Variants in SPAG16 observed in about 807,000 individuals in gnomAD.
SPAG16 encodes the protein sperm-associated antigen 16 protein.
Under a neutral mutation model 80.4 loss-of-function variants are expected in SPAG16, and 86 were observed. That is an observed-to-expected ratio of 1.07 (90% CI 0.90 to 1.28). SPAG16 has a LOEUF of 1.28. SPAG16 is among the 50% of genes most tolerant of loss of function. The probability of loss-of-function intolerance (pLI) is 0.00; values close to 1 mark genes in which losing one functional copy is unlikely to be tolerated. For missense variants in SPAG16, 870 were observed against 765.3 expected, an observed-to-expected ratio of 1.14 and a Z score of -1.61; for synonymous variants, 294 against 265.9, an observed-to-expected ratio of 1.11 and a Z score of -1.03.
intron 15 of SPAG16, among the ~76,000 whole-genome samples, chr2:214,149,860 T>C (rs889556476): frequency 6.6e-6 from 1 of 152,086 alleles, no homozygotes; most frequent in Non-Finnish European, 1.5e-5. Context: ...TGAGGAATAG[T>C]GTAGCAGCTG....
At chr2:213,634,672 G>A (rs1029267271) in intron 10 of SPAG16, among the ~76,000 whole-genome samples, 5 of 152,098 alleles carry the variant, frequency 3.3e-5, no homozygotes, top group Non-Finnish European at 7.4e-5. Context: ...TTCTTTAGTG[G>A]TGATTTTTGA....
chr2:214,257,765 G>A (rs944714935), intron 15 of SPAG16, among the ~76,000 whole-genome samples: 1 of 152,008 alleles, frequency 6.6e-6, no homozygotes, highest in Non-Finnish European at 1.5e-5. Context: ...GGATATAAAG[G>A]ACATTAATAT....
chr2:214,285,458 A>G (rs1376283169), intron 15 of SPAG16, among the ~76,000 whole-genome samples: 2 of 151,868 alleles, frequency 1.3e-5, no homozygotes, highest in African/African-American at 2.4e-5. Context: ...TGATTGTTTC[A>G]TTTGCTGTTC....
intron 10 of SPAG16, among the ~76,000 whole-genome samples, chr2:213,590,602 G>A (rs1310787863): frequency 2.0e-5 from 3 of 152,138 alleles, no homozygotes; most frequent in Non-Finnish European, 4.4e-5. Flanking sequence ...ACAATGAGAT[G>A]CCATCTCATA....
intron 15 of SPAG16, among the ~76,000 whole-genome samples, chr2:214,278,418 G>A (rs1040015471): frequency 3.9e-5 from 6 of 152,110 alleles, no homozygotes; most frequent in African/African-American, 1.4e-4. Flanking sequence ...GGGAGCTGCA[G>A]ACCATAGCTG....
intron 14 of SPAG16, among the ~76,000 whole-genome samples, chr2:214,129,029 C>T (rs763863089): frequency 1.7e-4 from 25 of 151,248 alleles, no homozygotes; most frequent in Admixed American, 5.6e-4. Flanking sequence ...ATCTGAACAT[C>T]TTTTCGTGTT....
At chr2:213,703,131 G>A (rs1192952990) in intron 10 of SPAG16, among the ~76,000 whole-genome samples, 1 of 152,124 alleles carries the variant, frequency 6.6e-6, no homozygotes, top group East Asian at 1.9e-4. Context: ...AGACATAGTG[G>A]GTTCCAAAAG....
At chr2:213,495,002 A>G (rs1379369256) in intron 10 of SPAG16, among the ~76,000 whole-genome samples, 1 of 152,186 alleles carries the variant, frequency 6.6e-6, no homozygotes, top group Admixed American at 6.5e-5. Context: ...TGCCTGAAAA[A>G]TGTAGCTAAT....
chr2:213,702,468 C>A (rs1217754632), intron 10 of SPAG16, among the ~76,000 whole-genome samples: 5 of 152,180 alleles, frequency 3.3e-5, no homozygotes, highest in Non-Finnish European at 7.3e-5. Flanking sequence ...AGACCACGAA[C>A]TCACCAAAAG....
chr2:214,241,892 A>T (rs1201745703), intron 15 of SPAG16, among the ~76,000 whole-genome samples: 2 of 150,880 alleles, frequency 1.3e-5, no homozygotes, highest in Non-Finnish European at 3.0e-5. Flanking sequence ...AGTTGTATAA[A>T]AAAAAAAAAA....
intron 10 of SPAG16, among the ~76,000 whole-genome samples, chr2:213,512,053 G>T (rs1298011543): frequency 6.6e-6 from 1 of 151,876 alleles, no homozygotes; most frequent in Admixed American, 6.6e-5. Context: ...TTATATTTTA[G>T]CTTAATTAGC....
At chr2:213,465,212 G>A (rs955505911) in intron 9 of SPAG16, among the ~76,000 whole-genome samples, 15 of 152,136 alleles carry the variant, frequency 9.9e-5, no homozygotes, top group African/African-American at 1.9e-4. Flanking sequence ...CATGGGCATC[G>A]AGGATTGCAA....
At chr2:213,714,755 T>C (rs1386915512) in intron 10 of SPAG16, among the ~76,000 whole-genome samples, 2 of 152,172 alleles carry the variant, frequency 1.3e-5, no homozygotes, top group African/African-American at 4.8e-5. Context: ...GGCACACAGT[T>C]AAATGACTTG....
intron 9 of SPAG16, among the ~76,000 whole-genome samples, chr2:213,407,637 GAGAC>G (rs1435751730): frequency 1.0e-4 from 10 of 98,904 alleles, no homozygotes; most frequent in South Asian, 9.0e-4. Flanking sequence ...GAGAGAGAGA[GAGAC>G]AGACAGACAG....
At chr2:213,586,659 T>A (rs1026506877) in intron 10 of SPAG16, among the ~76,000 whole-genome samples, 1 of 152,208 alleles carries the variant, frequency 6.6e-6, no homozygotes, top group Non-Finnish European at 1.5e-5. Context: ...CTAAACATGA[T>A]CTAAATCAGA....
chr2:213,891,343 T>C (rs1381825143), intron 11 of SPAG16, among the ~76,000 whole-genome samples: 1 of 152,066 alleles, frequency 6.6e-6, no homozygotes, highest in African/African-American at 2.4e-5. Context: ...GGAGTAATAT[T>C]TTATGGCTTT....
At chr2:213,391,672 A>G (rs1211900922) in intron 9 of SPAG16, among the ~76,000 whole-genome samples, 3 of 152,230 alleles carry the variant, frequency 2.0e-5, no homozygotes, top group African/African-American at 7.2e-5. Flanking sequence ...AAGGTTATTT[A>G]CTAAGGGAAG....
chr2:214,066,897 G>A (rs779298000), intron 13 of SPAG16, among the ~76,000 whole-genome samples: 1 of 152,050 alleles, frequency 6.6e-6, no homozygotes, highest in Non-Finnish European at 1.5e-5. Context: ...TTATTTTCAG[G>A]TACTAAGTTT....
At chr2:213,926,521 C>A (rs2078486724) in intron 11 of SPAG16, among the ~76,000 whole-genome samples, 1 of 152,042 alleles carries the variant, frequency 6.6e-6, no homozygotes, top group Admixed American at 6.5e-5. Flanking sequence ...GGATTTATTT[C>A]CCAATTCATT....
Sources: gnomAD v4.1 joint callset for allele counts (sites outside exome capture counted in the v4.1 genomes callset) on GRCh38, gnomAD v4.1.1 for gene constraint, MANE v1.5 for transcripts, NCBI Gene and HGNC (gene_info 2026-07-23, HGNC 2026-07-21) for gene names.